Variants in ACP3 observed in about 807,000 individuals in gnomAD.
ACP3 encodes the protein acid phosphatase 3.
ACP3 carries 38 observed loss-of-function variants against 45.6 expected under a neutral mutation model. That is an observed-to-expected ratio of 0.83 (90% CI 0.64 to 1.09). The LOEUF is 1.09. Among genes scored for constraint, ACP3 ranks in the 50% least tolerant of loss-of-function variants. The probability of loss-of-function intolerance (pLI) is 0.00; values close to 1 mark genes in which losing one functional copy is unlikely to be tolerated. For missense variants in ACP3, 466 were observed against 463.2 expected, an observed-to-expected ratio of 1.01 and a Z score of -0.05; for synonymous variants, 162 against 164.7, an observed-to-expected ratio of 0.98 and a Z score of 0.13.
intron 9 of ACP3, among the ~76,000 whole-genome samples, chr3:132,355,693 T>C (rs982779292): frequency 3.3e-5 from 5 of 152,062 alleles, no homozygotes; most frequent in Non-Finnish European, 5.9e-5. Flanking sequence ...AATTTTTGTA[T>C]TTTTAGTAGA....
chr3:132,339,704 A>G (rs983922676), intron 5 of ACP3, among the ~76,000 whole-genome samples: 2 of 152,208 alleles, frequency 1.3e-5, no homozygotes, highest in African/African-American at 2.4e-5. Context: ...GGAACCTCTA[A>G]GTGTTCAGCT....
intron 2 of ACP3, among the ~76,000 whole-genome samples, chr3:132,330,605 C>T (rs778656140): frequency 3.3e-5 from 5 of 152,160 alleles, no homozygotes; most frequent in Non-Finnish European, 5.9e-5. Flanking sequence ...CTCCGCTACT[C>T]AGGTCACGGT....
intron 2 of ACP3, among the ~76,000 whole-genome samples, chr3:132,330,432 A>T (rs983699031): frequency 6.6e-6 from 1 of 152,148 alleles, no homozygotes; most frequent in Non-Finnish European, 1.5e-5. Context: ...TTCACGCAAT[A>T]CCCAGTGAAC....
In ACP3 at chr3:132,339,468, C is replaced by G. The variant is rs116956154; in HGVS notation, c.555+1914C>G. 4.1e-4 allele frequency among the ~76,000 whole-genome samples: 62 copies of G among 152,316 alleles called. 1 individual carries two copies. In the East Asian group the frequency reaches 0.011, roughly 28 times the overall value. On this transcript the variant is annotated intron_variant, in intron 5 of 9. Coordinates refer to ENST00000336375, the MANE Select transcript of ACP3 (RefSeq NM_001099.5). ...GCTCAGGCCCCAAAACTGGCCACCC[C>G]CAACCCGCCACCTCAGACACAGATG... is the stretch of plus-strand genomic sequence containing the variant.
chr3:132,349,380 T>C (rs913797184), intron 7 of ACP3, among the ~76,000 whole-genome samples: 2 of 152,134 alleles, frequency 1.3e-5, no homozygotes, highest in Non-Finnish European at 2.9e-5. Flanking sequence ...CAGAGAATAG[T>C]CCATGATCTG....
chr3:132,335,993 G>T (rs965822448), intron 4 of ACP3, among the ~76,000 whole-genome samples: 1 of 152,190 alleles, frequency 6.6e-6, no homozygotes, highest in Non-Finnish European at 1.5e-5. Flanking sequence ...GGGCGCGGTG[G>T]CTCACGCCTG....
At position 132,358,552 on chromosome 3, in the gene ACP3, TACTG is replaced by T; in HGVS notation, c.*1675_*1678del. The T allele has an allele frequency of 1.7e-6, 2 of 1,159,340 alleles. No homozygotes were observed. The highest frequency in any genetic ancestry group is 2.2e-6 in the Non-Finnish European group (2 of 910,802). The allele number at this position is 1,159,340 out of a possible 1,614,324, so 71.8% of individuals were successfully genotyped here. On this transcript the variant is annotated 3_prime_UTR_variant, in exon 10 of 10. Transcript: ENST00000336375. The stretch of plus-strand genomic sequence containing the variant: ...TGAGATGGTTTCTAGAGATGGTTTC[TACTG>T]GCTGCCAGAATCTAGAGCAAAGCCA...
chr3:132,331,501 A>T, intron 2 of ACP3, 146 bp from the exon 3 acceptor site: 1 of 615,388 alleles, frequency 1.6e-6, no homozygotes, highest in Non-Finnish European at 2.7e-6. Flanking sequence ...GTTTTCACTT[A>T]AATATGTGTC....
At chr3:132,338,105 A>G (rs1424186860) in intron 5 of ACP3, among the ~76,000 whole-genome samples, 1 of 152,166 alleles carries the variant, frequency 6.6e-6, no homozygotes, top group Admixed American at 6.5e-5. Context: ...ATTATTTTCT[A>G]GTAGTCTTTT....
At chr3:132,342,694 T>G (rs1937566375) in intron 6 of ACP3, 50 bp downstream of exon 6, 1 of 1,144,096 alleles carries the variant, frequency 8.7e-7, no homozygotes, top group Non-Finnish European at 1.3e-6. Context: ...TTTTATGATT[T>G]ATGCTTATTT....
At chr3:132,343,218 A>G (rs1937571420) in intron 6 of ACP3, among the ~76,000 whole-genome samples, 1 of 152,070 alleles carries the variant, frequency 6.6e-6, no homozygotes, top group Non-Finnish European at 1.5e-5. Flanking sequence ...CAAAAGGAGT[A>G]CTCTCTGTTC....
intron 1 of ACP3, among the ~76,000 whole-genome samples, chr3:132,321,685 A>C (rs1283674981): frequency 6.6e-6 from 1 of 152,216 alleles, no homozygotes; most frequent in Non-Finnish European, 1.5e-5. Flanking sequence ...CAAAGGAATA[A>C]TTAATTATTC....
chr3:132,349,238 T>G (rs1937663119), intron 7 of ACP3, among the ~76,000 whole-genome samples: 1 of 152,190 alleles, frequency 6.6e-6, no homozygotes, highest in East Asian at 1.9e-4. Flanking sequence ...CAACAGCAGT[T>G]AGGTGTTCAG....
chr3:132,329,234 T>A (rs1262204208), intron 2 of ACP3, among the ~76,000 whole-genome samples: 2 of 152,174 alleles, frequency 1.3e-5, no homozygotes, highest in African/African-American at 2.4e-5. Flanking sequence ...ATCTTTAGAG[T>A]AGAATGTCTC....
Position 132,357,725 on chromosome 3 carries a change from G to A in ACP3, c.*847G>A, listed in dbSNP as rs1937941022. ...GTTTCTCTAGAAGCTCCAGTGATAA[G>A]AGATGTTGACTCTAAAGTTGATTTA... On this transcript the variant is annotated 3_prime_UTR_variant, in exon 10 of 10. Transcript: ENST00000336375. 6 of 985,376 alleles carry A rather than the reference G, an allele frequency of 6.1e-6. No homozygotes were observed. The highest frequency in any genetic ancestry group is 9.4e-5 in the South Asian group (2 of 21,286). 61.0% of individuals were successfully genotyped at this position (985,376 alleles called of 1,614,324 possible).
chr3:132,330,541 C>A (rs933699626), intron 2 of ACP3, among the ~76,000 whole-genome samples: 1 of 152,264 alleles, frequency 6.6e-6, no homozygotes, highest in South Asian at 2.1e-4. Flanking sequence ...TTCATACAGA[C>A]GACTATTTAA....
rs183123496 is a variant in ACP3, at chr3:132,337,317, A to G, written c.457-139A>G. On this transcript the variant is annotated intron_variant, in intron 4 of 9. Transcript: ENST00000336375. ...TTGATTCTTTCTCCCCAATTTTGGAATTTCCACTCAGCTCAAAACACATTT... is the reference window on the plus strand; with the variant it reads ...TTGATTCTTTCTCCCCAATTTTGGAGTTTCCACTCAGCTCAAAACACATTT... The G allele has an allele frequency of 3.4e-3, 1,773 of 523,486 alleles. 12 individuals are homozygous for G. Among genetic ancestry groups the G allele is most frequent in the Middle Eastern group, 0.021 (44 of 2,126 alleles). 32.4% of individuals were successfully genotyped at this position (523,486 alleles called of 1,614,324 possible). A position where few individuals can be genotyped will look rare whatever the true frequency, so the allele number is the denominator to read the frequency against.
chr3:132,351,219 A>T (rs1413968346), intron 8 of ACP3, among the ~76,000 whole-genome samples: 1 of 152,226 alleles, frequency 6.6e-6, no homozygotes, highest in Non-Finnish European at 1.5e-5. Context: ...ACTGCAACTC[A>T]AAGTTGGAGC....
Position 132,351,238 on chromosome 3 carries a change from G to C in ACP3, c.864+1236G>C, listed in dbSNP as rs544085576. ...CAACTCAAAGTTGGAGCTACATTTG[G>C]GAGTAGAAAGAAAAGAGAGCAAGAG... On this transcript the variant is annotated intron_variant, in intron 8 of 9. Transcript: ENST00000336375. Among the ~76,000 whole-genome samples the C allele has an allele frequency of 3.4e-4, 52 of 152,300 alleles. No homozygotes were observed. The Middle Eastern group carries it at 0.01, about 30-fold the overall frequency.
Sources: allele counts gnomAD v4.1 joint callset (sites outside exome capture counted in the v4.1 genomes callset), GRCh38; gene constraint gnomAD v4.1.1; transcripts MANE v1.5; gene names NCBI Gene and HGNC (gene_info 2026-07-23, HGNC 2026-07-21).